The following PARP4 variants were observed in gnomAD, a reference collection of about 807,000 sequenced individuals.
PARP4 encodes poly(ADP-ribose) polymerase family member 4.
A neutral mutation model predicts 187.7 loss-of-function variants in PARP4; 120 were observed. The observed-to-expected ratio is 0.64, with a 90% CI of 0.55 to 0.74. PARP4 has a LOEUF of 0.74. Ranked by LOEUF, PARP4 falls within the 30% of genes least tolerant of loss-of-function variation. The probability of loss-of-function intolerance (pLI) is 0.00; values close to 1 mark genes in which losing one functional copy is unlikely to be tolerated. For synonymous variants in PARP4, 654 were observed against 740.9 expected (o/e 0.88, Z 1.90); for missense variants, 1,836 against 2,070.5 (o/e 0.89, Z 2.20).
At chr13:24,421,954 C>G (rs189708213) in intron 33 of PARP4, among the ~76,000 whole-genome samples, 1 of 152,320 alleles carries the variant, frequency 6.6e-6, no homozygotes, top group Admixed American at 6.5e-5. Flanking sequence ...CTGTCATCTG[C>G]TAGAACTTGT....
Position 24,435,182 on chromosome 13 carries a change from G to A in PARP4, c.3959C>T (p.Ala1320Val). ...TSTSSFFPILAPAVGSYLPPT... is the reference protein window; with the variant it reads ...TSTSSFFPILVPAVGSYLPPT... ...GGGAAGATAGGAACCAACGGCCGGAGCCAAAATAGGAAAAAAGCTAGAAGT... is the reference window on the plus strand; with the variant it reads ...GGGAAGATAGGAACCAACGGCCGGAACCAAAATAGGAAAAAAGCTAGAAGT... Residue 1320 changes from alanine (A) to valine (V), a missense_variant, in exon 31 of 34, where the codon GCT becomes GTT. This residue lies in a region of PARP4 where 450 missense variants were observed against 439.2 expected (regional missense o/e 1.02). Transcript: ENST00000381989. 1.2e-6 allele frequency: 2 copies of A among 1,614,202 alleles called. No homozygotes were observed. Among genetic ancestry groups the A allele is most frequent in the Non-Finnish European group, 1.7e-6 (2 of 1,180,022 alleles).
chr13:24,466,586 G>A (rs1395940818), intron 17 of PARP4, among the ~76,000 whole-genome samples: 2 of 152,032 alleles, frequency 1.3e-5, no homozygotes, highest in African/African-American at 4.8e-5. Flanking sequence ...CTTGAGGTTA[G>A]CGGTTTGAGA....
chr13:24,456,677 C>T (rs1593610781), intron 20 of PARP4, among the ~76,000 whole-genome samples, 199 bp from the exon 21 acceptor site: 2 of 151,950 alleles, frequency 1.3e-5, no homozygotes, highest in African/African-American at 2.4e-5. Flanking sequence ...CACTTTGAGA[C>T]GCCGAGGTGG....
intron 10 of PARP4, among the ~76,000 whole-genome samples, chr13:24,487,786 T>C (rs1366619118): frequency 6.6e-6 from 1 of 152,198 alleles, no homozygotes; most frequent in African/African-American, 2.4e-5. Context: ...ACCAGGACTT[T>C]TCCTTCACAG....
At chr13:24,511,722 G>T (rs903265798) in intron 1 of PARP4, among the ~76,000 whole-genome samples, 25 of 152,182 alleles carry the variant, frequency 1.6e-4, no homozygotes, top group African/African-American at 6.0e-4. Context: ...CACACGCTAA[G>T]ATCACTTTTG....
chr13:24,439,145 A>G (rs1870787318), intron 30 of PARP4, among the ~76,000 whole-genome samples: 1 of 152,100 alleles, frequency 6.6e-6, no homozygotes, highest in Non-Finnish European at 1.5e-5. Context: ...ATTTAGAACC[A>G]ATTTTGAAAA....
rs1034194955 is a variant in PARP4, at chr13:24,453,635, C to T, written c.2778G>A (p.Ser926=). The T allele has an allele frequency of 1.6e-5, 26 of 1,604,540 alleles. No individual in the cohort carries two copies. The highest frequency in any genetic ancestry group is 1.6e-4 in the Middle Eastern group (1 of 6,070). ...TATTGCTTGTGATATGCTTAGGATA[C>T]GAAAATAGCTCCTTGTAACCTGTGT... The part of the protein sequence containing the change: ...QFGTGYKELF[S]YPKHITSNTM... The change falls in exon 23 of 34, where the codon TCG becomes TCA. Residue 926 remains serine (S), a synonymous_variant. Transcript: ENST00000381989.
rs1323507060 is a variant in PARP4 at position 24,453,658 on chromosome 13, T to C, written c.2759-4A>G. 6.3e-7 allele frequency: 1 copy of C among 1,574,906 alleles called. No homozygotes were observed. The highest frequency in any genetic ancestry group is 1.7e-5 in the Admixed American group (1 of 59,898). On this transcript the variant is annotated splice_region_variant and splice_polypyrimidine_tract_variant and intron_variant, in intron 22 of 33. Coordinates refer to ENST00000381989, the MANE Select transcript of PARP4 (RefSeq NM_006437.4). ...TACGAAAATAGCTCCTTGTAACCTG[T>C]GTAATAAGATCAGCATGAGGTGCTG...
In PARP4 at chr13:24,446,548, G is replaced by A; in HGVS notation, c.3366+133C>T. On this transcript the variant is annotated intron_variant, in intron 27 of 33. Coordinates refer to ENST00000381989, the MANE Select transcript of PARP4 (RefSeq NM_006437.4). ...TTCATAATGTTTTAAGAAAGTTTACGAATTTGTATTGGGCTGCATTCAAAG... is the reference window on the plus strand; with the variant it reads ...TTCATAATGTTTTAAGAAAGTTTACAAATTTGTATTGGGCTGCATTCAAAG... 6.2e-5 allele frequency: 38 copies of A among 609,870 alleles called. No individual in the cohort carries two copies. In the South Asian group the frequency reaches 6.6e-4, roughly 11 times the overall value. 37.8% of individuals were successfully genotyped at this position (609,870 alleles called of 1,614,324 possible).
intron 6 of PARP4, 107 bp from the exon 7 acceptor site, chr13:24,494,829 G>A (rs1868854807): frequency 1.5e-6 from 1 of 664,106 alleles, no homozygotes; most frequent in East Asian, 3.1e-5. Flanking sequence ...TTAGAAATTA[G>A]TTTTTTTCAA....
chr13:24,433,941 A>T (rs4770678), intron 31 of PARP4, among the ~76,000 whole-genome samples: 1 of 152,124 alleles, frequency 6.6e-6, no homozygotes, highest in Admixed American at 6.5e-5. Context: ...CTAACACAAT[A>T]TACATGTTGA....
chr13:24,427,676 G>A (rs913038503), intron 32 of PARP4, among the ~76,000 whole-genome samples: 3 of 151,998 alleles, frequency 2.0e-5, no homozygotes, highest in Non-Finnish European at 4.4e-5. Context: ...ATTTTACATC[G>A]TTGAGGTAGC....
intron 31 of PARP4, among the ~76,000 whole-genome samples, chr13:24,432,776 T>C (rs6490921): frequency 0.94 from 142,519 of 152,118 alleles, 66,892 homozygotes; most frequent in East Asian, 0.99. Flanking sequence ...CTTCCCTGCA[T>C]CCCCCATCAT....
chr13:24,474,345 G>A (rs1194017738), intron 15 of PARP4, among the ~76,000 whole-genome samples: 3 of 124,220 alleles, frequency 2.4e-5, no homozygotes, highest in African/African-American at 8.3e-5. Flanking sequence ...GTGACGTTGG[G>A]CCTGCTGTGT....
chr13:24,473,154 T>G (rs1006210036), intron 15 of PARP4, among the ~76,000 whole-genome samples: 1 of 152,150 alleles, frequency 6.6e-6, no homozygotes, highest in Non-Finnish European at 1.5e-5. Context: ...ACTCCTGAGC[T>G]GAAGCAATCC....
At chr13:24,490,934 C>A in intron 9 of PARP4, 106 bp from the exon 10 acceptor site, 2 of 1,045,060 alleles carry the variant, frequency 1.9e-6, no homozygotes. Flanking sequence ...CCATTTTCCC[C>A]CAAAGCTTGT....
chr13:24,506,224 G>A (rs990618522), intron 1 of PARP4, among the ~76,000 whole-genome samples: 12 of 151,886 alleles, frequency 7.9e-5, no homozygotes, highest in South Asian at 2.1e-4. Context: ...TTAAGGCGGC[G>A]CATCCAGAGT....
intron 32 of PARP4, among the ~76,000 whole-genome samples, chr13:24,429,764 C>T (rs1386061685): frequency 1.3e-5 from 2 of 152,186 alleles, no homozygotes; most frequent in African/African-American, 2.4e-5. Flanking sequence ...GGTTAGGAGA[C>T]AGCCAAGGAT....
At chr13:24,451,246 G>T (rs965933001) in intron 24 of PARP4, among the ~76,000 whole-genome samples, 2 of 152,210 alleles carry the variant, frequency 1.3e-5, no homozygotes, top group Non-Finnish European at 2.9e-5. Context: ...CGGTGCACAG[G>T]CTGCCCTGAG....
Sources: gnomAD v4.1 joint callset for allele counts (sites outside exome capture counted in the v4.1 genomes callset) on GRCh38, gnomAD v4.1.1 for gene constraint, gnomAD v4.1.1 regional missense constraint, MANE v1.5 for transcripts, NCBI Gene and HGNC (gene_info 2026-07-23, HGNC 2026-07-21) for gene names.